DIP2C: variants seen among roughly 807,000 people sequenced by gnomAD.
The protein encoded by DIP2C is DIP2 acetate--CoA ligase C (putative), also known as disco-interacting protein 2 homolog C.
A neutral mutation model predicts 192.4 loss-of-function variants in DIP2C; 33 were observed. That is an observed-to-expected ratio of 0.17 (90% confidence interval 0.13 to 0.23). DIP2C has a LOEUF of 0.23. Ranked by LOEUF, DIP2C falls within the 10% of genes least tolerant of loss-of-function variation. The pLI, the probability that DIP2C is intolerant of heterozygous loss-of-function variation, is 1.00. For synonymous variants in DIP2C, 979 were observed against 864.1 expected (o/e 1.13, Z -2.33); for missense variants, 1,537 against 2,110.1 (o/e 0.73, Z 5.32).
intron 14 of DIP2C, 89 bp downstream of exon 14, chr10:387,656 A>C (rs1963079598): frequency 1.0e-6 from 1 of 979,470 alleles, no homozygotes; most frequent in Non-Finnish European, 1.5e-6. Context: ...GTGGACAGAC[A>C]GTATGGGGAG....
chr10:596,669 G>C (rs950687699), intron 1 of DIP2C, among the ~76,000 whole-genome samples: 1 of 152,290 alleles, frequency 6.6e-6, no homozygotes, highest in African/African-American at 2.4e-5. Flanking sequence ...CCCCAAGGAA[G>C]GAAGGCACAT....
At chr10:326,553 C>A (rs937356915) in intron 31 of DIP2C, among the ~76,000 whole-genome samples, 3 of 152,228 alleles carry the variant, frequency 2.0e-5, no homozygotes, top group African/African-American at 7.2e-5. Context: ...GCTTCACTTA[C>A]GCCTGTTTCC....
rs1193432047 is a variant in DIP2C, at chr10:523,461, G to T, written c.86-36931C>A. On this transcript the variant is annotated intron_variant, in intron 1 of 36. Transcript: ENST00000280886. ...TGTCACCCACACACTCGTTTCTACT[G>T]GATGCAAAGGACCCTGGAGTGAGGA... 7.0e-4 allele frequency among the ~76,000 whole-genome samples: 74 copies of T among 105,244 alleles called. 2 individuals are homozygous for T. Among genetic ancestry groups the T allele is most frequent in the East Asian group, 1.7e-3 (5 of 2,962 alleles). 69.0% of individuals were successfully genotyped at this position (105,244 alleles called of 152,430 possible).
intron 4 of DIP2C, among the ~76,000 whole-genome samples, chr10:437,403 T>C (rs1013862348): frequency 2.2e-4 from 34 of 151,754 alleles, no homozygotes; most frequent in Non-Finnish European, 1.8e-4. Flanking sequence ...TAGGGTGATA[T>C]GCTCCGCCCA....
At chr10:553,602 T>C (rs867596227) in intron 1 of DIP2C, among the ~76,000 whole-genome samples, 4 of 152,246 alleles carry the variant, frequency 2.6e-5, no homozygotes, top group African/African-American at 7.2e-5. Context: ...GTATGTGCAT[T>C]GAATACTGTG....
chr10:463,369 G>A (rs1034208348), intron 3 of DIP2C, among the ~76,000 whole-genome samples: 1 of 151,800 alleles, frequency 6.6e-6, no homozygotes, highest in Non-Finnish European at 1.5e-5. Context: ...ACCAACAGGG[G>A]GCCAAATCAT....
At chr10:388,208 CAG>C (rs765506134) in intron 13 of DIP2C, among the ~76,000 whole-genome samples, 43 of 152,264 alleles carry the variant, frequency 2.8e-4, no homozygotes, top group Non-Finnish European at 5.3e-4. Flanking sequence ...TTTGGCAACA[CAG>C]GGGCCTACAC....
chr10:454,426 C>A (rs77766625), intron 3 of DIP2C, among the ~76,000 whole-genome samples: 24,229 of 151,786 alleles, frequency 0.16, 4,970 homozygotes, highest in African/African-American at 0.48. Context: ...GTCAGCACCC[C>A]TCAAACCCCT....
chr10:508,137 G>A (rs1392577628), intron 1 of DIP2C, among the ~76,000 whole-genome samples: 3 of 152,106 alleles, frequency 2.0e-5, no homozygotes, highest in South Asian at 4.2e-4. Flanking sequence ...CGCCACAGAG[G>A]AGCTCGTGCA....
chr10:286,452 T>C, intron 33 of DIP2C, 105 bp from the exon 34 acceptor site: 1 of 1,055,546 alleles, frequency 9.5e-7, no homozygotes, highest in Non-Finnish European at 1.4e-6. Flanking sequence ...TTCAAGACTG[T>C]TTAGAAAGCA....
chr10:617,182 T>C (rs564011650), intron 1 of DIP2C, among the ~76,000 whole-genome samples: 611 of 31,644 alleles, frequency 0.019, 3 homozygotes, highest in South Asian at 0.1. Context: ...CCGCCCCTAC[T>C]GTGTTGGTAT....
intron 1 of DIP2C, among the ~76,000 whole-genome samples, chr10:562,482 T>C (rs374292573): frequency 6.6e-6 from 1 of 152,242 alleles, no homozygotes; most frequent in African/African-American, 2.4e-5. Context: ...TTGTACCTGA[T>C]ACATTACAGA....
chr10:416,293 C>CT (rs1428700052), intron 6 of DIP2C, among the ~76,000 whole-genome samples: 1 of 152,108 alleles, frequency 6.6e-6, no homozygotes, highest in Non-Finnish European at 1.5e-5. Flanking sequence ...TTCCCTGCGT[C>CT]TATCTCTCCA....
At chr10:605,615 A>G (rs1481727367) in intron 1 of DIP2C, among the ~76,000 whole-genome samples, 3 of 152,136 alleles carry the variant, frequency 2.0e-5, no homozygotes, top group Non-Finnish European at 4.4e-5. Flanking sequence ...GGGCCCCAAT[A>G]TGAAGCAGAG....
intron 1 of DIP2C, among the ~76,000 whole-genome samples, chr10:675,373 T>C (rs1326936558): frequency 1.3e-5 from 2 of 151,392 alleles, no homozygotes; most frequent in Admixed American, 6.6e-5. Context: ...TGAACTGCAA[T>C]GAGCTAGAAG....
chr10:358,064 C>T lies in DIP2C; in HGVS notation c.2795-127G>A, dbSNP rs1959168136. 1.3e-5 allele frequency: 8 copies of T among 618,226 alleles called. No individual in the cohort carries two copies. In the South Asian group the frequency reaches 1.7e-4, roughly 13 times the overall value. 38.3% of individuals were successfully genotyped at this position (618,226 alleles called of 1,614,324 possible). ...AAAGACCTGGCTTTGAATAAACCTT[C>T]TAAGAACAGAGATTCAACGAAATCA... On this transcript the variant is annotated intron_variant, in intron 22 of 36. Coordinates refer to ENST00000280886, the MANE Select transcript of DIP2C (RefSeq NM_014974.3).
At chr10:398,085 T>C (rs1420145119) in intron 10 of DIP2C, among the ~76,000 whole-genome samples, 1 of 152,230 alleles carries the variant, frequency 6.6e-6, no homozygotes, top group Non-Finnish European at 1.5e-5. Flanking sequence ...TTCTTTGACA[T>C]AGTTTGAAAT....
chr10:390,804 C>T lies in DIP2C; in HGVS notation c.1320G>A (p.Leu440=), dbSNP rs1371478321. The T allele has an allele frequency of 1.9e-6, 3 of 1,614,174 alleles. No homozygotes were observed. Among genetic ancestry groups the T allele is most frequent in the South Asian group, 1.1e-5 (1 of 91,078 alleles). The change falls in exon 11 of 37, where the codon TTG becomes TTA. Residue 440 remains leucine (L), a synonymous_variant. Transcript: ENST00000280886. ...GTCCTTTATGGCAGGCGTCACTAGTCAAGGCTACAGTAACTCCACAGCTTC... is the reference window on the plus strand; with the variant it reads ...GTCCTTTATGGCAGGCGTCACTAGTTAAGGCTACAGTAACTCCACAGCTTC... ...LLGSCGVTVA[L]TSDACHKGLP... is the part of the protein sequence containing the mutation.
chr10:369,443 G>C (rs1960692954), intron 18 of DIP2C, 51 bp downstream of exon 18: 1 of 1,481,836 alleles, frequency 6.7e-7, no homozygotes, highest in African/African-American at 1.4e-5. Context: ...ACATGTGTTA[G>C]AAAAGCATTT....
Sources: gnomAD v4.1 joint callset for allele counts (sites outside exome capture counted in the v4.1 genomes callset) on GRCh38, gnomAD v4.1.1 for gene constraint, MANE v1.5 for transcripts, NCBI Gene and HGNC (gene_info 2026-07-23, HGNC 2026-07-21) for gene names.